TBC1D22A: variants seen among roughly 807,000 people sequenced by gnomAD.
TBC1D22A encodes putative GTPase activator.
TBC1D22A carries 38 observed loss-of-function variants against 60.2 expected under a neutral mutation model. That is an observed-to-expected ratio of 0.63 (90% confidence interval 0.49 to 0.83). TBC1D22A has a LOEUF of 0.83. Ranked by LOEUF, TBC1D22A falls within the 40% of genes least tolerant of loss-of-function variation. The pLI is 0.00. For missense variants in TBC1D22A, 628 were observed against 701.0 expected (o/e 0.90, Z 1.18); for synonymous variants, 302 against 281.7 (o/e 1.07, Z -0.72).
chr22:47,080,591 C>G (rs73888865), intron 11 of TBC1D22A, among the ~76,000 whole-genome samples: 1 of 149,668 alleles, frequency 6.7e-6, no homozygotes, highest in Non-Finnish European at 1.5e-5. Context: ...ATAGCTAAAG[C>G]AGTGCTTGGG....
chr22:47,054,195 A>T (rs1311521005), intron 11 of TBC1D22A, among the ~76,000 whole-genome samples: 4 of 152,204 alleles, frequency 2.6e-5, no homozygotes, highest in Admixed American at 1.3e-4. Context: ...CCCACAATGC[A>T]GTGAAAGAGG....
chr22:47,048,882 G>A (rs1010631912), intron 11 of TBC1D22A, among the ~76,000 whole-genome samples: 4 of 152,212 alleles, frequency 2.6e-5, no homozygotes, highest in African/African-American at 7.2e-5. Flanking sequence ...CTGACTGCCC[G>A]CATGCACCCT....
intron 12 of TBC1D22A, among the ~76,000 whole-genome samples, chr22:47,129,660 G>T (rs1219186301): frequency 3.3e-5 from 5 of 152,212 alleles, no homozygotes; most frequent in African/African-American, 1.2e-4. Context: ...AAAGATGAGA[G>T]GGGCAGGCCT....
intron 3 of TBC1D22A, among the ~76,000 whole-genome samples, chr22:46,795,746 A>G (rs1470020328): frequency 1.3e-5 from 2 of 152,230 alleles, no homozygotes; most frequent in Non-Finnish European, 2.9e-5. Context: ...CAGCACTAGG[A>G]CATGGACTTA....
At chr22:47,169,415 G>A (rs2068344813) in intron 12 of TBC1D22A, among the ~76,000 whole-genome samples, 1 of 152,190 alleles carries the variant, frequency 6.6e-6, no homozygotes, top group Non-Finnish European at 1.5e-5. Context: ...CAGATCCCAG[G>A]TCAGTTGCTT....
intron 11 of TBC1D22A, among the ~76,000 whole-genome samples, chr22:47,095,298 C>T (rs1051231407): frequency 3.3e-5 from 5 of 152,224 alleles, no homozygotes; most frequent in Admixed American, 6.5e-5. Context: ...TATGTAAATA[C>T]GCATATGCGG....
chr22:47,021,406 C>A (rs1020703241), intron 10 of TBC1D22A, among the ~76,000 whole-genome samples: 1 of 151,458 alleles, frequency 6.6e-6, no homozygotes. Flanking sequence ...AGAACTCCAC[C>A]TGTAGCCTGG....
At chr22:46,844,142 G>A (rs1248917376) in intron 4 of TBC1D22A, among the ~76,000 whole-genome samples, 1 of 150,468 alleles carries the variant, frequency 6.6e-6, no homozygotes, top group African/African-American at 2.5e-5. Context: ...CTGGGCGTGG[G>A]CACTCTGGTC....
chr22:47,066,027 A>G (rs2063762815), intron 11 of TBC1D22A, among the ~76,000 whole-genome samples: 2 of 152,294 alleles, frequency 1.3e-5, no homozygotes, highest in South Asian at 4.1e-4. Flanking sequence ...GGAGATAAAG[A>G]CTTGTATTAA....
chr22:47,065,860 G>A (rs898165659), intron 11 of TBC1D22A, among the ~76,000 whole-genome samples: 2 of 152,196 alleles, frequency 1.3e-5, no homozygotes, highest in Non-Finnish European at 2.9e-5. Flanking sequence ...TGTGCGTGGG[G>A]TGGGAAGGAA....
chr22:46,904,775 T>A lies in TBC1D22A; in HGVS notation c.901-7299T>A, dbSNP rs889718026. Among the ~76,000 whole-genome samples the A allele has an allele frequency of 5.8e-4, 79 of 136,704 alleles. No individual in the cohort carries two copies. In the East Asian group the frequency reaches 9.5e-3, roughly 16 times the overall value. 89.7% of individuals were successfully genotyped at this position (136,704 alleles called of 152,430 possible). ...GAGCCACTGCACCCGGCCGAGAAAATTTTTTTTTTTTTTTTCTGAGACAGA... is the reference window on the plus strand; with the variant it reads ...GAGCCACTGCACCCGGCCGAGAAAAATTTTTTTTTTTTTTTCTGAGACAGA... On this transcript the variant is annotated intron_variant, in intron 7 of 12. Coordinates refer to ENST00000337137, the MANE Select transcript of TBC1D22A (RefSeq NM_014346.5).
Position 46,904,688 on chromosome 22 carries a change from G to A in TBC1D22A, c.901-7386G>A, listed in dbSNP as rs142580129. On this transcript the variant is annotated intron_variant, in intron 7 of 12. Transcript: ENST00000337137. Reference sequence around the variant, plus strand: ...TCTCCATGTTGGTCAGGCTGGTCTTGAACTCCTGACCTCAGGTGATCTGCC... The same window carrying A: ...TCTCCATGTTGGTCAGGCTGGTCTTAAACTCCTGACCTCAGGTGATCTGCC... Among the ~76,000 whole-genome samples, 515 of 151,080 alleles carry A rather than the reference G, an allele frequency of 3.4e-3. 3 individuals are homozygous for A. The highest frequency in any genetic ancestry group is 4.9e-3 in the Non-Finnish European group (333 of 67,882).
chr22:47,085,217 T>C (rs75891716), intron 11 of TBC1D22A, among the ~76,000 whole-genome samples: 19 of 152,150 alleles, frequency 1.2e-4, no homozygotes, highest in Non-Finnish European at 2.2e-4. Flanking sequence ...GAGGCGGAGG[T>C]TGCAGTGAGC....
chr22:46,945,334 G>A (rs2072466342), intron 8 of TBC1D22A, among the ~76,000 whole-genome samples: 1 of 152,236 alleles, frequency 6.6e-6, no homozygotes, highest in African/African-American at 2.4e-5. Context: ...ATGAAAATTA[G>A]AAGGCCTGTT....
intron 10 of TBC1D22A, among the ~76,000 whole-genome samples, chr22:47,029,699 G>A (rs901490197): frequency 2.0e-5 from 3 of 152,266 alleles, no homozygotes; most frequent in East Asian, 3.9e-4. Flanking sequence ...GGATTTGCCA[G>A]CGAGTGTCCT....
intron 12 of TBC1D22A, among the ~76,000 whole-genome samples, chr22:47,152,390 G>A (rs570357505): frequency 5.3e-5 from 8 of 152,304 alleles, no homozygotes; most frequent in African/African-American, 1.9e-4. Context: ...CAAGCTCAGG[G>A]TCCCCAGGCC....
chr22:46,915,436 G>C (rs911275822), intron 8 of TBC1D22A: 3 of 456,566 alleles, frequency 6.6e-6, no homozygotes, highest in Non-Finnish European at 4.4e-6. Flanking sequence ...CGACACCTGA[G>C]CACCTGCCAG....
chr22:47,157,384 C>T (rs932192924), intron 12 of TBC1D22A, among the ~76,000 whole-genome samples: 25 of 152,324 alleles, frequency 1.6e-4, no homozygotes, highest in African/African-American at 5.3e-4. Flanking sequence ...ACACCGCACA[C>T]GTTATCTCTC....
intron 5 of TBC1D22A, among the ~76,000 whole-genome samples, chr22:46,884,470 G>T (rs115568376): frequency 6.6e-6 from 1 of 152,198 alleles, no homozygotes; most frequent in African/African-American, 2.4e-5. Flanking sequence ...AAGCAGTGCC[G>T]TGGGCTCCTC....
Sources: allele counts gnomAD v4.1 joint callset (sites outside exome capture counted in the v4.1 genomes callset), GRCh38; gene constraint gnomAD v4.1.1; transcripts MANE v1.5; gene names NCBI Gene and HGNC (gene_info 2026-07-23, HGNC 2026-07-21).